PRKCH: variants seen among roughly 807,000 people sequenced by gnomAD.
The protein encoded by PRKCH is protein kinase C eta type.
A neutral mutation model predicts 82.5 loss-of-function variants in PRKCH; 28 were observed. The ratio of observed to expected loss-of-function variants is 0.34; its 90% CI spans 0.25 to 0.47. The LOEUF (loss-of-function observed/expected upper bound fraction) is 0.47, where lower values mean the gene tolerates loss of function less well. Ranked by LOEUF, PRKCH falls within the 20% of genes least tolerant of loss-of-function variation. The pLI is 1.00. For missense variants in PRKCH, 705 were observed against 881.8 expected, an observed-to-expected ratio of 0.80 and a Z score of 2.54; for synonymous variants, 322 against 327.4, an observed-to-expected ratio of 0.98 and a Z score of 0.18.
intron 2 of PRKCH, among the ~76,000 whole-genome samples, chr14:61,427,947 A>C (rs1883194234): frequency 6.6e-6 from 1 of 151,796 alleles, no homozygotes. Context: ...TAATCCTAGC[A>C]CTTTGGGAGA....
intron 1 of PRKCH, among the ~76,000 whole-genome samples, chr14:61,340,390 C>T (rs1019074019): frequency 1.1e-3 from 6 of 5,268 alleles, no homozygotes; most frequent in Admixed American, 4.9e-3. Context: ...GGGTGGGGGG[C>T]GGGGGTGGGT....
intron 1 of PRKCH, among the ~76,000 whole-genome samples, chr14:61,224,994 T>C (rs1306293018): frequency 6.6e-6 from 1 of 152,242 alleles, no homozygotes; most frequent in Non-Finnish European, 1.5e-5. Flanking sequence ...GTTCATGCAC[T>C]TCCCAGGTTA....
At chr14:61,247,189 A>T (rs532773502) in intron 1 of PRKCH, among the ~76,000 whole-genome samples, 7 of 152,332 alleles carry the variant, frequency 4.6e-5, no homozygotes, top group African/African-American at 1.4e-4. Context: ...ATTCAAAAAT[A>T]TATGATAAAC....
Position 61,322,287 on chromosome 14 carries a change from G to A in PRKCH, c.186G>A (p.Lys62=), listed in dbSNP as rs1273873201. 1.2e-6 allele frequency: 2 copies of A among 1,613,198 alleles called. No individual in the cohort carries two copies. The highest frequency in any genetic ancestry group is 2.2e-5 in the South Asian group (2 of 91,016). Residue 62 remains lysine (K), a synonymous_variant, in exon 1 of 14, where the codon AAG becomes AAA. Transcript: ENST00000332981. ...VRVGQTSTKQ[K]TNKPTYNEEF... ...TGGGCCAGACCAGCACCAAGCAGAA[G>A]ACCAACAAACCCACGTACAACGAGG...
chr14:61,497,945 C>G (rs1886740941), intron 10 of PRKCH, among the ~76,000 whole-genome samples: 1 of 152,106 alleles, frequency 6.6e-6, no homozygotes. Flanking sequence ...TTTTTATTTT[C>G]TTTTTGATGG....
At chr14:61,425,059 A>G (rs1883040340) in intron 2 of PRKCH, among the ~76,000 whole-genome samples, 1 of 152,244 alleles carries the variant, frequency 6.6e-6, no homozygotes, top group Non-Finnish European at 1.5e-5. Flanking sequence ...CAGAGGATGT[A>G]TGGAAATACC....
At chr14:61,545,405 C>T (rs1447593444) in intron 12 of PRKCH, 1 of 152,200 alleles carries the variant, frequency 6.6e-6, no homozygotes, top group Non-Finnish European at 1.5e-5. Flanking sequence ...TTGCTTGATT[C>T]TTCCCCCTTC....
At chr14:61,266,542 A>G (rs2045103094) in intron 1 of PRKCH, among the ~76,000 whole-genome samples, 1 of 152,256 alleles carries the variant, frequency 6.6e-6, no homozygotes, top group African/African-American at 2.4e-5. Flanking sequence ...CTGGGAGTGC[A>G]TAAAAAGTAA....
intron 1 of PRKCH, among the ~76,000 whole-genome samples, chr14:61,242,633 G>T (rs59154579): frequency 6.6e-6 from 1 of 151,970 alleles, no homozygotes; most frequent in South Asian, 2.1e-4. Context: ...CCTGACCTCA[G>T]GTGATCCCCC....
chr14:61,413,938 G>A (rs7141034), intron 2 of PRKCH, among the ~76,000 whole-genome samples: 3,002 of 152,124 alleles, frequency 0.02, 110 homozygotes, highest in African/African-American at 0.069. Flanking sequence ...GGACATCTCT[G>A]TTGTGTTTGG....
upstream of PRKCH, among the ~76,000 whole-genome samples, chr14:61,320,519 A>T (rs980467993): frequency 5.3e-5 from 8 of 152,214 alleles, no homozygotes; most frequent in Non-Finnish European, 7.3e-5. Context: ...GAATCGCTCG[A>T]ACCTGGGAGG....
intron 2 of PRKCH, among the ~76,000 whole-genome samples, chr14:61,410,346 T>G (rs912620): frequency 0.51 from 78,303 of 152,096 alleles, 22,583 homozygotes; most frequent in Non-Finnish European, 0.65. Context: ...TGGGAGCATG[T>G]GTTGACAAAC....
chr14:61,379,661 AAAG>A (rs1205335242), intron 1 of PRKCH, among the ~76,000 whole-genome samples: 1 of 152,172 alleles, frequency 6.6e-6, no homozygotes, highest in Non-Finnish European at 1.5e-5. Flanking sequence ...GTTCCCCTGC[AAAG>A]AAGGAGGCTC....
intron 1 of PRKCH, among the ~76,000 whole-genome samples, chr14:61,238,075 G>C (rs990695979): frequency 6.6e-6 from 1 of 152,236 alleles, no homozygotes; most frequent in Non-Finnish European, 1.5e-5. Flanking sequence ...TTAGGTTAGG[G>C]TTCACTATGT....
intron 1 of PRKCH, among the ~76,000 whole-genome samples, chr14:61,356,702 G>T (rs906504858): frequency 1.3e-5 from 2 of 152,130 alleles, no homozygotes; most frequent in Non-Finnish European, 2.9e-5. Context: ...TTGTTTTTGA[G>T]ATGGAGTCTC....
intron 1 of PRKCH, among the ~76,000 whole-genome samples, chr14:61,308,041 T>G (rs945527545): frequency 2.6e-5 from 4 of 152,334 alleles, no homozygotes; most frequent in Admixed American, 2.6e-4. Flanking sequence ...GATCTCACTA[T>G]GTTGCCCAGG....
intron 1 of PRKCH, among the ~76,000 whole-genome samples, chr14:61,257,574 C>T (rs893221392): frequency 4.0e-5 from 6 of 150,442 alleles, no homozygotes; most frequent in African/African-American, 1.5e-4. Flanking sequence ...AGCATAAGAT[C>T]TTTCTCCCTC....
chr14:61,221,733 C>A (rs1377200117), intron 1 of PRKCH, among the ~76,000 whole-genome samples: 3 of 152,136 alleles, frequency 2.0e-5, no homozygotes, highest in Non-Finnish European at 4.4e-5. Flanking sequence ...ACATCCTCCA[C>A]CCAAGTCAGG....
intron 9 of PRKCH, among the ~76,000 whole-genome samples, chr14:61,474,811 A>G (rs1337417745): frequency 2.6e-5 from 4 of 152,248 alleles, no homozygotes; most frequent in African/African-American, 9.6e-5. Context: ...TGTCATGGCT[A>G]CAGTGGAGGA....
Sources: allele counts gnomAD v4.1 joint callset (sites outside exome capture counted in the v4.1 genomes callset), GRCh38; gene constraint gnomAD v4.1.1; transcripts MANE v1.5; gene names NCBI Gene and HGNC (gene_info 2026-07-23, HGNC 2026-07-21).